Variants in PHF20 observed in about 807,000 individuals in gnomAD.
The protein encoded by PHF20 is glioma-expressed antigen 2.
Under a neutral mutation model 113.5 loss-of-function variants are expected in PHF20, and 23 were observed. That is an observed-to-expected ratio of 0.20 (90% CI 0.15 to 0.29). The LOEUF (loss-of-function observed/expected upper bound fraction) is 0.29, where lower values mean the gene tolerates loss of function less well. Ranked by LOEUF, PHF20 falls within the 10% of genes least tolerant of loss-of-function variation. The pLI, the probability that PHF20 is intolerant of heterozygous loss-of-function variation, is 1.00. For synonymous variants in PHF20, 434 were observed against 457.3 expected, an observed-to-expected ratio of 0.95 and a Z score of 0.65; for missense variants, 943 against 1,219.6, an observed-to-expected ratio of 0.77 and a Z score of 3.38.
chr20:35,852,296 G>A (rs1028298767), intron 4 of PHF20, among the ~76,000 whole-genome samples: 4 of 152,184 alleles, frequency 2.6e-5, no homozygotes, highest in African/African-American at 9.7e-5. Flanking sequence ...GAATGCGAGA[G>A]TGGATGTAGT....
At chr20:35,944,197 A>G (rs1277094128) in intron 17 of PHF20, among the ~76,000 whole-genome samples, 1 of 152,184 alleles carries the variant, frequency 6.6e-6, no homozygotes, top group African/African-American at 2.4e-5. Flanking sequence ...GGCCTGCTGG[A>G]TGCTGGGGTC....
chr20:35,806,605 A>G (rs1465735445), intron 2 of PHF20, among the ~76,000 whole-genome samples: 2 of 152,136 alleles, frequency 1.3e-5, no homozygotes, highest in Non-Finnish European at 2.9e-5. Flanking sequence ...GACCTGCAAT[A>G]CCACTTGTAT....
At chr20:35,820,098 G>A (rs891336972) in intron 2 of PHF20, among the ~76,000 whole-genome samples, 5 of 152,164 alleles carry the variant, frequency 3.3e-5, no homozygotes, top group East Asian at 1.9e-4. Context: ...GCATGGTCGG[G>A]TGTGGCTTTG....
chr20:35,947,561 T>C lies in PHF20; in HGVS notation c.2973T>C (p.His991=), dbSNP rs2056108873. 1 of 1,614,088 alleles carries C rather than the reference T, an allele frequency of 6.2e-7. No homozygotes were observed. Among genetic ancestry groups the C allele is most frequent in the South Asian group, 1.1e-5 (1 of 91,082 alleles). Residue 991 remains histidine (H), a synonymous_variant, in exon 18 of 18, where the codon CAT becomes CAC. Coordinates refer to ENST00000374012, the MANE Select transcript of PHF20 (RefSeq NM_016436.5). The stretch of plus-strand genomic sequence containing the variant: ...TGGCCAGGCTTCCGCAGCTCAAGCA[T>C]TGTATCAAGCAGCTGCTGATGGACC... ...EPLARLPQLK[H]CIKQLLMDLG...
At chr20:35,833,627 G>A (rs187965844) in intron 2 of PHF20, among the ~76,000 whole-genome samples, 1 of 152,214 alleles carries the variant, frequency 6.6e-6, no homozygotes, top group Admixed American at 6.5e-5. Context: ...GATACCCTGG[G>A]GGAGATTCAG....
At chr20:35,843,387 CG>C (rs1600813703) in intron 3 of PHF20, among the ~76,000 whole-genome samples, 1 of 150,712 alleles carries the variant, frequency 6.6e-6, no homozygotes, top group African/African-American at 2.4e-5. Flanking sequence ...GATATAGTGG[CG>C]GGCGCCTGTA....
At chr20:35,844,320 T>G (rs1427716294) in intron 3 of PHF20, among the ~76,000 whole-genome samples, 7 of 151,924 alleles carry the variant, frequency 4.6e-5, no homozygotes, top group Non-Finnish European at 2.9e-5. Flanking sequence ...GCCATGATGG[T>G]CTCGATTTCC....
intron 1 of PHF20, among the ~76,000 whole-genome samples, chr20:35,788,489 G>T (rs986432760): frequency 6.6e-6 from 1 of 152,046 alleles, no homozygotes; most frequent in Non-Finnish European, 1.5e-5. Context: ...TCTCACCTTG[G>T]CCTTCCAAAG....
rs756634846 is a variant in PHF20 at position 35,869,427 on chromosome 20, A to C, written c.809-11A>C. 3.5e-6 allele frequency: 5 copies of C among 1,430,792 alleles called. No individual in the cohort carries two copies. In the South Asian group the frequency reaches 6.1e-5, roughly 17 times the overall value. 88.6% of individuals were successfully genotyped at this position (1,430,792 alleles called of 1,614,324 possible). On this transcript the variant is annotated splice_polypyrimidine_tract_variant and intron_variant, in intron 6 of 17. Coordinates refer to ENST00000374012, the MANE Select transcript of PHF20 (RefSeq NM_016436.5). ...TGTATCTTTTTTTGTGTGGTTTTATAAACATGGTAGCTGTGGATTCAAACT... is the reference window on the plus strand; with the variant it reads ...TGTATCTTTTTTTGTGTGGTTTTATCAACATGGTAGCTGTGGATTCAAACT...
chr20:35,940,829 T>C, intron 16 of PHF20, 35 bp from the exon 17 acceptor site: 1 of 1,574,370 alleles, frequency 6.4e-7, no homozygotes, highest in Non-Finnish European at 8.7e-7. Flanking sequence ...AGGGGCTATC[T>C]CCATTCAGTA....
At chr20:35,830,534 T>A (rs2042340943) in intron 2 of PHF20, among the ~76,000 whole-genome samples, 1 of 152,248 alleles carries the variant, frequency 6.6e-6, no homozygotes, top group Non-Finnish European at 1.5e-5. Context: ...GACTACTGGG[T>A]TGTCTTTTGA....
At chr20:35,872,091 A>G (rs940525699) in intron 9 of PHF20, among the ~76,000 whole-genome samples, 1 of 151,984 alleles carries the variant, frequency 6.6e-6, no homozygotes, top group African/African-American at 2.4e-5. Context: ...TTTTAAAAAT[A>G]TAATTGATTT....
rs747505201 is a variant in PHF20 at position 35,913,307 on chromosome 20, G to A, written c.1620G>A (p.Lys540=). ...AATTCAAGGAGTTTGTGAGAGTGAA[G>A]CCAAAGAAGAAAAAGAAAAAGAAAA... ...EKKFKEFVRV[K]PKKKKKKKKK... Residue 540 remains lysine, a synonymous_variant, in exon 11 of 18, where the codon AAG becomes AAA. Transcript: ENST00000374012. 6.2e-7 allele frequency: 1 copy of A among 1,602,542 alleles called. No individual in the cohort carries two copies. The highest frequency in any genetic ancestry group is 1.1e-5 in the South Asian group (1 of 88,718).
Position 35,870,446 on chromosome 20 carries a change from C to T in PHF20, c.923-509C>T, listed in dbSNP as rs373364462. 3.3e-5 allele frequency among the ~76,000 whole-genome samples: 5 copies of T among 150,822 alleles called. No individual in the cohort carries two copies. In the South Asian group the frequency reaches 1.0e-3, roughly 32 times the overall value. ...CAGTGAGCCAAGACTGTGCCACTGC[C>T]CTCCAGCCTGGGTGATAGAGTGAGA... On this transcript the variant is annotated intron_variant, in intron 7 of 17. Transcript: ENST00000374012.
intron 1 of PHF20, among the ~76,000 whole-genome samples, chr20:35,798,131 G>T (rs2041704576): frequency 6.6e-6 from 1 of 152,150 alleles, no homozygotes; most frequent in African/African-American, 2.4e-5. Context: ...AAGAATCAGT[G>T]GCTGGGTACC....
chr20:35,906,438 T>G (rs2055201871), intron 10 of PHF20, among the ~76,000 whole-genome samples: 1 of 152,134 alleles, frequency 6.6e-6, no homozygotes, highest in South Asian at 2.1e-4. Context: ...CCTTGCTTTC[T>G]CCCCATTGTT....
intron 1 of PHF20, among the ~76,000 whole-genome samples, chr20:35,772,601 C>T (rs1220907950): frequency 3.9e-5 from 6 of 152,138 alleles, no homozygotes; most frequent in East Asian, 1.9e-4. Flanking sequence ...CTGGGCGGCA[C>T]ACCCCCTTTC....
intron 2 of PHF20, among the ~76,000 whole-genome samples, chr20:35,806,386 C>T (rs1402845438): frequency 6.6e-6 from 1 of 151,016 alleles, no homozygotes; most frequent in East Asian, 1.9e-4. Context: ...GTCTTGAACT[C>T]CTGACCTCAA....
At chr20:35,854,164 T>C (rs1278326576) in intron 4 of PHF20, among the ~76,000 whole-genome samples, 2 of 152,366 alleles carry the variant, frequency 1.3e-5, no homozygotes, top group Middle Eastern at 3.4e-3. Flanking sequence ...ATTATCCCTA[T>C]GTCTTTGGTC....
Sources: allele counts gnomAD v4.1 joint callset (sites outside exome capture counted in the v4.1 genomes callset), GRCh38; gene constraint gnomAD v4.1.1; transcripts MANE v1.5; gene names NCBI Gene and HGNC (gene_info 2026-07-23, HGNC 2026-07-21).